The following SUSD1 variants were observed in gnomAD, a reference collection of about 807,000 sequenced individuals.
The protein encoded by SUSD1 is sushi domain containing 1.
A neutral mutation model predicts 86.9 loss-of-function variants in SUSD1; 65 were observed. The ratio of observed to expected loss-of-function variants is 0.75; its 90% confidence interval spans 0.61 to 0.92. SUSD1 has a LOEUF of 0.92. Ranked by LOEUF, SUSD1 falls within the 40% of genes least tolerant of loss-of-function variation. The pLI is 0.00. For missense variants in SUSD1, 850 were observed against 929.7 expected (o/e 0.91, Z 1.11); for synonymous variants, 346 against 350.0 (o/e 0.99, Z 0.13).
At chr9:112,066,679 T>G (rs552456891) in intron 12 of SUSD1, among the ~76,000 whole-genome samples, 10 of 152,290 alleles carry the variant, frequency 6.6e-5, no homozygotes, top group Admixed American at 6.5e-4. Flanking sequence ...TTACATACTT[T>G]ATATGTAAGT....
At chr9:112,049,548 G>T (rs994195120) in intron 15 of SUSD1, among the ~76,000 whole-genome samples, 3 of 152,192 alleles carry the variant, frequency 2.0e-5, no homozygotes, top group African/African-American at 7.2e-5. Flanking sequence ...TCTTCTAGGG[G>T]CAATATGCAA....
intron 8 of SUSD1, among the ~76,000 whole-genome samples, chr9:112,103,936 C>T (rs537451865): frequency 6.6e-6 from 1 of 152,306 alleles, no homozygotes; most frequent in African/African-American, 2.4e-5. Flanking sequence ...AGCCATTTAG[C>T]CCAGTGGTTC....
chr9:112,074,392 G>C (rs1326999022), intron 12 of SUSD1, among the ~76,000 whole-genome samples: 1 of 152,118 alleles, frequency 6.6e-6, no homozygotes, highest in African/African-American at 2.4e-5. Context: ...TATCAGCCAA[G>C]AGTCAGAAAC....
intron 5 of SUSD1, among the ~76,000 whole-genome samples, chr9:112,136,769 A>AT (rs1832284520): frequency 6.6e-6 from 1 of 152,196 alleles, no homozygotes; most frequent in African/African-American, 2.4e-5. Context: ...TGAATGCACT[A>AT]AATTGTGGTA....
At chr9:112,116,185 C>G (rs1385279124) in intron 6 of SUSD1, among the ~76,000 whole-genome samples, 1 of 152,172 alleles carries the variant, frequency 6.6e-6, no homozygotes, top group African/African-American at 2.4e-5. Context: ...TCTTTCTTGT[C>G]CTTCCTTCTT....
rs142672896 is a variant in SUSD1, at chr9:112,107,176, G to T, written c.1171+4478C>A. On this transcript the variant is annotated intron_variant, in intron 8 of 16. Coordinates refer to ENST00000374270, the MANE Select transcript of SUSD1 (RefSeq NM_022486.5). The stretch of plus-strand genomic sequence containing the variant: ...GAGCTGAGGTGGGAGGATTGCTTGA[G>T]CCTGGAAGGTCAAGGCTGCAGTGAG... Among the ~76,000 whole-genome samples the T allele has an allele frequency of 4.5e-3, 671 of 148,140 alleles. 8 individuals are homozygous for T. The highest frequency in any genetic ancestry group is 0.016 in the African/African-American group (640 of 40,234).
intron 12 of SUSD1, among the ~76,000 whole-genome samples, chr9:112,071,639 G>T (rs183223956): frequency 2.6e-5 from 4 of 152,146 alleles, no homozygotes; most frequent in African/African-American, 9.6e-5. Context: ...TGAACAAAAA[G>T]AACCAAAAAT....
At chr9:112,084,843 GA>G (rs1829909950) in intron 10 of SUSD1, among the ~76,000 whole-genome samples, 1 of 152,112 alleles carries the variant, frequency 6.6e-6, no homozygotes, top group African/African-American at 2.4e-5. Context: ...TCCTGAAGTT[GA>G]AAAACCAGAA....
intron 12 of SUSD1, among the ~76,000 whole-genome samples, chr9:112,072,531 C>T (rs80042587): frequency 0.013 from 1,936 of 152,272 alleles, 34 homozygotes; most frequent in African/African-American, 0.044. Flanking sequence ...TCTCCCAACA[C>T]ACACAGAAAC....
At chr9:112,086,274 G>T (rs1394392051) in intron 10 of SUSD1, among the ~76,000 whole-genome samples, 1 of 146,640 alleles carries the variant, frequency 6.8e-6, no homozygotes, top group Non-Finnish European at 1.5e-5. Flanking sequence ...GATGTGTCCT[G>T]CCAGGCTGGG....
chr9:112,160,825 G>A (rs997901701), intron 1 of SUSD1, among the ~76,000 whole-genome samples: 7 of 152,138 alleles, frequency 4.6e-5, no homozygotes, highest in African/African-American at 1.7e-4. Flanking sequence ...AAAGTTCAAG[G>A]AACTGGTTGA....
At chr9:112,042,152 G>C in intron 15 of SUSD1, 192 bp from the exon 16 acceptor site, 1 of 1,538,216 alleles carries the variant, frequency 6.5e-7, no homozygotes, top group Non-Finnish European at 8.7e-7. Flanking sequence ...GGAAATTACA[G>C]TTACAAGGTA....
intron 14 of SUSD1, among the ~76,000 whole-genome samples, chr9:112,056,193 G>A (rs758658404): frequency 1.3e-5 from 2 of 152,112 alleles, no homozygotes; most frequent in African/African-American, 2.4e-5. Flanking sequence ...TTTGAGCCCC[G>A]GGGGTTGAGG....
chr9:112,141,171 G>T (rs1362691173), intron 5 of SUSD1, among the ~76,000 whole-genome samples: 2 of 152,168 alleles, frequency 1.3e-5, no homozygotes, highest in Non-Finnish European at 2.9e-5. Flanking sequence ...GTACTTGCTG[G>T]CAGAGCAGTA....
At chr9:112,056,484 A>T (rs1828455495) in intron 14 of SUSD1, among the ~76,000 whole-genome samples, 1 of 152,236 alleles carries the variant, frequency 6.6e-6, no homozygotes, top group Non-Finnish European at 1.5e-5. Context: ...CACAATTAAA[A>T]ATTAAAATTA....
intron 4 of SUSD1, among the ~76,000 whole-genome samples, 198 bp downstream of exon 4, chr9:112,143,273 T>A (rs1832662050): frequency 6.6e-6 from 1 of 151,844 alleles, no homozygotes; most frequent in South Asian, 2.1e-4. Flanking sequence ...GAGCTACTGC[T>A]CCTGGCCTAA....
At chr9:112,084,463 T>C (rs998233903) in intron 10 of SUSD1, among the ~76,000 whole-genome samples, 10 of 152,140 alleles carry the variant, frequency 6.6e-5, no homozygotes, top group African/African-American at 2.4e-4. Context: ...CACACACACA[T>C]ATGCTCAAGT....
At chr9:112,068,817 C>T (rs188217341) in intron 12 of SUSD1, among the ~76,000 whole-genome samples, 12 of 152,146 alleles carry the variant, frequency 7.9e-5, no homozygotes, top group East Asian at 5.8e-4. Flanking sequence ...TAATCCAGGT[C>T]GGAAGTGCTC....
intron 10 of SUSD1, among the ~76,000 whole-genome samples, chr9:112,092,669 C>A (rs1363881521): frequency 6.6e-6 from 1 of 152,090 alleles, no homozygotes; most frequent in African/African-American, 2.4e-5. Context: ...TATACCCATG[C>A]AGGTCACTTA....
Sources: allele counts gnomAD v4.1 joint callset (sites outside exome capture counted in the v4.1 genomes callset), GRCh38; gene constraint gnomAD v4.1.1; transcripts MANE v1.5; gene names NCBI Gene and HGNC (gene_info 2026-07-23, HGNC 2026-07-21).